VPS26A: variants seen among roughly 807,000 people sequenced by gnomAD.
The protein encoded by VPS26A is VPS26 retromer complex component A, also known as vacuolar protein sorting-associated protein 26A.
A neutral mutation model predicts 42.4 loss-of-function variants in VPS26A; 22 were observed. The ratio of observed to expected loss-of-function variants is 0.52; its 90% CI spans 0.37 to 0.74. VPS26A has a LOEUF of 0.74. VPS26A is among the 30% of genes least tolerant of loss of function. The pLI, the probability that VPS26A is intolerant of heterozygous loss-of-function variation, is 0.00. For missense variants in VPS26A, 276 were observed against 379.2 expected, an observed-to-expected ratio of 0.73 and a Z score of 2.26; for synonymous variants, 110 against 123.5, an observed-to-expected ratio of 0.89 and a Z score of 0.73.
At chr10:69,152,665 C>T (rs1841340119) in intron 2 of VPS26A, among the ~76,000 whole-genome samples, 1 of 152,014 alleles carries the variant, frequency 6.6e-6, no homozygotes, top group African/African-American at 2.4e-5. Context: ...GTTACATTAC[C>T]AGCATTTGTT....
intron 5 of VPS26A, among the ~76,000 whole-genome samples, chr10:69,161,049 T>G (rs546978581): frequency 2.0e-5 from 3 of 152,224 alleles, no homozygotes; most frequent in Non-Finnish European, 4.4e-5. Context: ...CACCAAATAT[T>G]TCAAGTATTT....
At chr10:69,141,040 GT>G (rs1414362168) in intron 2 of VPS26A, among the ~76,000 whole-genome samples, 1 of 151,892 alleles carries the variant, frequency 6.6e-6, no homozygotes, top group East Asian at 1.9e-4. Context: ...GATTTTTTTG[GT>G]TTTGCTGTCT....
At chr10:69,161,042 C>G (rs1184125134) in intron 5 of VPS26A, among the ~76,000 whole-genome samples, 1 of 152,002 alleles carries the variant, frequency 6.6e-6, no homozygotes, top group Non-Finnish European at 1.5e-5. Context: ...CTTCATACAC[C>G]AAATATTTCA....
chr10:69,136,483 G>A (rs1840914144), intron 2 of VPS26A, among the ~76,000 whole-genome samples: 1 of 151,836 alleles, frequency 6.6e-6, no homozygotes, highest in Admixed American at 6.6e-5. Flanking sequence ...GTTGGGTCAG[G>A]CTGGTCTCGA....
At chr10:69,142,691 C>T (rs1307796707) in intron 2 of VPS26A, among the ~76,000 whole-genome samples, 2 of 149,862 alleles carry the variant, frequency 1.3e-5, no homozygotes, top group Non-Finnish European at 2.9e-5. Context: ...ATTTGGCACA[C>T]TTATTTTAAT....
In VPS26A at chr10:69,165,204, A is replaced by G. The variant is rs910145902; in HGVS notation, c.659-838A>G. Among the ~76,000 whole-genome samples the G allele has an allele frequency of 2.6e-5, 4 of 152,326 alleles. No homozygotes were observed. The East Asian group carries it at 7.7e-4, about 29-fold the overall frequency. Reference sequence around the variant, plus strand: ...TGGCCTCTCAAAGTGCTGGGATTACAGGCGTGAGCCACTGTGCCTGGCCTC... The same window carrying G: ...TGGCCTCTCAAAGTGCTGGGATTACGGGCGTGAGCCACTGTGCCTGGCCTC... On this transcript the variant is annotated intron_variant, in intron 6 of 8. Coordinates refer to ENST00000263559, the MANE Select transcript of VPS26A (RefSeq NM_004896.5).
intron 1 of VPS26A, among the ~76,000 whole-genome samples, chr10:69,127,821 C>T (rs1309145505): frequency 6.9e-6 from 1 of 145,456 alleles, no homozygotes; most frequent in Non-Finnish European, 1.5e-5. Context: ...TTCAGCCTCC[C>T]AAGTAGCTGG....
At chr10:69,154,127 T>C (rs1168642500) in intron 2 of VPS26A, among the ~76,000 whole-genome samples, 1 of 152,194 alleles carries the variant, frequency 6.6e-6, no homozygotes, top group Non-Finnish European at 1.5e-5. Context: ...TCCTTGACTG[T>C]CTCAGGTAAT....
At chr10:69,166,256 T>C (rs1841685567) in intron 7 of VPS26A, 146 bp downstream of exon 7, 10 of 711,036 alleles carry the variant, frequency 1.4e-5, no homozygotes, top group Middle Eastern at 3.3e-4. Flanking sequence ...TTTGTACAGC[T>C]GCAAAGAAGA....
intron 6 of VPS26A, 40 bp from the exon 7 acceptor site, chr10:69,166,002 T>C (rs1433717745): frequency 6.4e-7 from 1 of 1,560,034 alleles, no homozygotes; most frequent in Admixed American, 1.8e-5. Flanking sequence ...AATTATATTC[T>C]GGAATATTTA....
intron 2 of VPS26A, among the ~76,000 whole-genome samples, chr10:69,144,568 A>G (rs1841114189): frequency 6.6e-6 from 1 of 152,144 alleles, no homozygotes; most frequent in South Asian, 2.1e-4. Context: ...TCATTTAGCA[A>G]TATTCTTTTA....
At chr10:69,154,882 TGCGCGC>T (rs1213578299) in intron 2 of VPS26A, among the ~76,000 whole-genome samples, 1 of 152,202 alleles carries the variant, frequency 6.6e-6, no homozygotes, top group African/African-American at 2.4e-5. Flanking sequence ...TGTGTGTGTG[TGCGCGC>T]ACGCGCACGT....
chr10:69,143,556 C>G (rs1302148484), intron 2 of VPS26A, among the ~76,000 whole-genome samples: 1 of 152,100 alleles, frequency 6.6e-6, no homozygotes, highest in African/African-American at 2.4e-5. Flanking sequence ...CAAAATAAAT[C>G]TAATCCTTTT....
intron 8 of VPS26A, among the ~76,000 whole-genome samples, chr10:69,170,945 T>C (rs925547443): frequency 5.9e-5 from 9 of 151,946 alleles, no homozygotes; most frequent in African/African-American, 2.2e-4. Flanking sequence ...TTGGTGGTGG[T>C]GGAATGCATG....
rs1273313939 is a variant in VPS26A at position 69,158,093 on chromosome 10, A to G, written c.433A>G (p.Lys145Glu). 6.2e-7 allele frequency: 1 copy of G among 1,612,160 alleles called. No homozygotes were observed. The highest frequency in any genetic ancestry group is 1.3e-5 in the African/African-American group (1 of 74,958). The change falls in exon 5 of 9, where the codon AAA becomes GAA. Residue 145 changes from lysine (K) to glutamate (E), a missense_variant. Coordinates refer to ENST00000263559, the MANE Select transcript of VPS26A (RefSeq NM_004896.5). ...AGTGAGAAGACTGACAGATTTGGTA[A>G]AAGAGTATGATCTTATTGTTCACCA... Reference protein sequence around the residue: ...TIVRRLTDLVKEYDLIVHQLA... With the variant: ...TIVRRLTDLVEEYDLIVHQLA...
chr10:69,148,021 T>C (rs796836962), intron 2 of VPS26A, among the ~76,000 whole-genome samples: 2 of 152,360 alleles, frequency 1.3e-5, no homozygotes, highest in African/African-American at 4.8e-5. Flanking sequence ...CCCTGTATTG[T>C]GTTTTCATAT....
chr10:69,156,882 C>G (rs1841439540), intron 3 of VPS26A, 125 bp from the exon 4 acceptor site: 1 of 839,444 alleles, frequency 1.2e-6, no homozygotes. Context: ...GAGCATAGGT[C>G]TAGTTTATTA....
At chr10:69,163,960 G>A (rs1466764549) in intron 6 of VPS26A, among the ~76,000 whole-genome samples, 48 of 151,032 alleles carry the variant, frequency 3.2e-4, no homozygotes, top group Admixed American at 3.2e-3. Context: ...GTAGAGACGG[G>A]GTTTCACCGT....
intron 5 of VPS26A, among the ~76,000 whole-genome samples, chr10:69,158,777 T>C (rs1275759816): frequency 6.6e-6 from 1 of 152,176 alleles, no homozygotes; most frequent in African/African-American, 2.4e-5. Flanking sequence ...CCAACAGTTA[T>C]CAACACACAA....
Sources: allele counts gnomAD v4.1 joint callset (sites outside exome capture counted in the v4.1 genomes callset), GRCh38; gene constraint gnomAD v4.1.1; transcripts MANE v1.5; gene names NCBI Gene and HGNC (gene_info 2026-07-23, HGNC 2026-07-21).